Variants in IL16 observed in about 807,000 individuals in gnomAD.
IL16 encodes the protein interleukin 16, also known as pro-interleukin-16.
IL16 carries 67 observed loss-of-function variants against 110.1 expected under a neutral mutation model. The ratio of observed to expected loss-of-function variants is 0.61; its 90% CI spans 0.50 to 0.75. The LOEUF is 0.75. IL16 is among the 30% of genes least tolerant of loss of function. IL16 has a pLI of 0.00. For missense variants in IL16, 1,545 were observed against 1,655.0 expected (o/e 0.93, Z 1.15); for synonymous variants, 689 against 662.9 (o/e 1.04, Z -0.61).
At chr15:81,221,568 A>G (rs532079298) in intron 1 of IL16, among the ~76,000 whole-genome samples, 44 of 152,218 alleles carry the variant, frequency 2.9e-4, no homozygotes, top group African/African-American at 9.6e-4. Flanking sequence ...TGTGTTTTCA[A>G]TTATTCTCTC....
intron 1 of IL16, among the ~76,000 whole-genome samples, chr15:81,216,563 T>C (rs1316345256): frequency 6.6e-6 from 1 of 152,134 alleles, no homozygotes; most frequent in Non-Finnish European, 1.5e-5. Context: ...CCTGGCTGCA[T>C]GTAGTCGGCC....
Position 81,292,554 on chromosome 15 carries a change from A to C in IL16, c.1421-2A>C. On this transcript the variant is annotated splice_acceptor_variant, in intron 11 of 18. Transcript: ENST00000683961. LOFTEE classifies it high-confidence loss of function. The stretch of plus-strand genomic sequence containing the variant: ...GAAGATTCTCTTGTGCTTCCCACAC[A>C]GGTGTCAAAAGGCTGGAAAGCAGTT... The C allele has an allele frequency of 6.2e-7, 1 of 1,606,806 alleles. No individual in the cohort carries two copies. The highest frequency in any genetic ancestry group is 8.5e-7 in the Non-Finnish European group (1 of 1,174,282).
At chr15:81,216,526 T>A (rs940047460) in intron 1 of IL16, among the ~76,000 whole-genome samples, 10 of 152,186 alleles carry the variant, frequency 6.6e-5, no homozygotes, top group Non-Finnish European at 8.8e-5. Context: ...CTTGATAGTT[T>A]GGTCTCTCTC....
At chr15:81,233,838 C>G (rs995169098) in intron 2 of IL16, among the ~76,000 whole-genome samples, 1 of 151,906 alleles carries the variant, frequency 6.6e-6, no homozygotes, top group Non-Finnish European at 1.5e-5. Context: ...TTAACTTTAT[C>G]AATTCCAGCT....
At chr15:81,275,359 AG>A (rs796741900) in intron 6 of IL16, among the ~76,000 whole-genome samples, 417 of 9,816 alleles carry the variant, frequency 0.042, 7 homozygotes, top group Non-Finnish European at 0.054. Flanking sequence ...ACGGGGGAGG[AG>A]GGGGGGGAGG....
At chr15:81,272,676 T>C (rs1373214822) in intron 5 of IL16, among the ~76,000 whole-genome samples, 2 of 152,234 alleles carry the variant, frequency 1.3e-5, no homozygotes, top group African/African-American at 4.8e-5. Context: ...GCTAGGCATT[T>C]TACTTTCAAA....
intron 1 of IL16, among the ~76,000 whole-genome samples, chr15:81,211,686 C>G (rs1173285338): frequency 6.6e-6 from 1 of 152,112 alleles, no homozygotes; most frequent in Non-Finnish European, 1.5e-5. Context: ...CTGCACTTGG[C>G]CATGTTTAGG....
chr15:81,188,524 A>G, intron 1 of IL16: 2 of 443,982 alleles, frequency 4.5e-6, no homozygotes, highest in Non-Finnish European at 4.5e-6. Context: ...CCCTCAGGTC[A>G]GACACTAGTC....
At chr15:81,206,135 G>A (rs1422405317) in intron 1 of IL16, among the ~76,000 whole-genome samples, 1 of 152,156 alleles carries the variant, frequency 6.6e-6, no homozygotes, top group African/African-American at 2.4e-5. Context: ...TTACAAAATT[G>A]AATATGTGCT....
chr15:81,254,826 TG>T (rs1897891131), intron 2 of IL16, among the ~76,000 whole-genome samples: 1 of 152,190 alleles, frequency 6.6e-6, no homozygotes, highest in South Asian at 2.1e-4. Flanking sequence ...AGGACATACT[TG>T]CCAGAGAGAG....
At chr15:81,190,070 C>T (rs745818892) in intron 1 of IL16, among the ~76,000 whole-genome samples, 2 of 152,188 alleles carry the variant, frequency 1.3e-5, no homozygotes, top group East Asian at 1.9e-4. Flanking sequence ...CAGGGCATCT[C>T]GGACATTCTG....
At chr15:81,186,015 C>T (rs1292678281) in intron 1 of IL16, among the ~76,000 whole-genome samples, 1 of 152,182 alleles carries the variant, frequency 6.6e-6, no homozygotes, top group African/African-American at 2.4e-5. Context: ...GGAATAAGAT[C>T]TTTTTGCTGG....
intron 1 of IL16, among the ~76,000 whole-genome samples, chr15:81,212,543 C>G (rs1351681592): frequency 6.6e-6 from 1 of 152,084 alleles, no homozygotes; most frequent in Non-Finnish European, 1.5e-5. Flanking sequence ...GCAATCCTGG[C>G]TTACTGCAGC....
At chr15:81,293,635 G>C (rs563386016) in intron 12 of IL16, among the ~76,000 whole-genome samples, 613 of 152,230 alleles carry the variant, frequency 4.0e-3, no homozygotes, top group Non-Finnish European at 6.9e-3. Flanking sequence ...GGGAGGAGTG[G>C]CTCCTTCCAA....
chr15:81,300,904 C>T (rs1354171119), intron 14 of IL16, among the ~76,000 whole-genome samples: 2 of 152,232 alleles, frequency 1.3e-5, no homozygotes, highest in Non-Finnish European at 1.5e-5. Flanking sequence ...TTGTACTCTG[C>T]ACGTGGGTTC....
At chr15:81,260,512 A>C (rs1193283110) in intron 3 of IL16, among the ~76,000 whole-genome samples, 1 of 152,094 alleles carries the variant, frequency 6.6e-6, no homozygotes, top group African/African-American at 2.4e-5. Context: ...TAGTTAACCA[A>C]CTCCCTATTA....
intron 2 of IL16, among the ~76,000 whole-genome samples, chr15:81,255,860 C>G (rs1897927543): frequency 6.6e-6 from 1 of 152,108 alleles, no homozygotes; most frequent in Non-Finnish European, 1.5e-5. Flanking sequence ...GTGCCTTGGA[C>G]TCAGGACTTA....
chr15:81,246,024 C>T (rs140054720), intron 2 of IL16, among the ~76,000 whole-genome samples: 153 of 152,174 alleles, frequency 1.0e-3, no homozygotes, highest in African/African-American at 3.7e-3. Context: ...TTATATTCAG[C>T]ATCTTCAGGC....
intron 1 of IL16, among the ~76,000 whole-genome samples, chr15:81,209,763 A>G (rs370523159): frequency 7.9e-5 from 12 of 151,970 alleles, no homozygotes; most frequent in African/African-American, 2.9e-4. Context: ...CTGTCTGCCT[A>G]CCTCCCTGCC....
Sources: allele counts gnomAD v4.1 joint callset (sites outside exome capture counted in the v4.1 genomes callset), GRCh38; gene constraint gnomAD v4.1.1; transcripts MANE v1.5; gene names NCBI Gene and HGNC (gene_info 2026-07-23, HGNC 2026-07-21).